Variants in RRN3 observed in about 807,000 individuals in gnomAD.
RRN3 encodes the protein RNA polymerase I-specific transcription initiation factor RRN3.
A neutral mutation model predicts 82.3 loss-of-function variants in RRN3; 38 were observed. That is an observed-to-expected ratio of 0.46 (90% CI 0.36 to 0.61). The LOEUF is 0.61. Ranked by LOEUF, RRN3 falls within the 20% of genes least tolerant of loss-of-function variation. The probability of loss-of-function intolerance (pLI) is 0.00; values close to 1 mark genes in which losing one functional copy is unlikely to be tolerated. For synonymous variants in RRN3, 284 were observed against 284.3 expected, an observed-to-expected ratio of 1.00 and a Z score of 0.01; for missense variants, 726 against 793.1, an observed-to-expected ratio of 0.92 and a Z score of 1.02.
rs145058148 is a variant in RRN3 at position 15,089,968 on chromosome 16, G to C, written c.252+1347C>G. Reference sequence around the variant, plus strand: ...TCACACTTGTAATCCCAGCACTTTGGGAGGCCAAGGCGGGCAGGTCACCTG... The same window carrying C: ...TCACACTTGTAATCCCAGCACTTTGCGAGGCCAAGGCGGGCAGGTCACCTG... On this transcript the variant is annotated intron_variant, in intron 3 of 17. Coordinates refer to ENST00000198767, the MANE Select transcript of RRN3 (RefSeq NM_018427.5). 8.7e-3 allele frequency among the ~76,000 whole-genome samples: 1,316 copies of C among 151,794 alleles called. 6 individuals are homozygous for C. Among genetic ancestry groups the C allele is most frequent in the Middle Eastern group, 0.037 (11 of 294 alleles).
At position 15,086,179 on chromosome 16, in the gene RRN3, G is replaced by C; in HGVS notation, c.422C>G (p.Thr141Ser). 1.2e-6 allele frequency: 2 copies of C among 1,601,854 alleles called. No homozygotes were observed. The highest frequency in any genetic ancestry group is 8.5e-7 in the Non-Finnish European group (1 of 1,172,118). The change falls in exon 5 of 18, where the codon ACT becomes AGT. Residue 141 changes from threonine (T) to serine (S), a missense_variant. Physicochemically the swap from Thr to Ser is moderately conservative, Grantham distance 58 (BLOSUM62 1). Transcript: ENST00000198767. ...AFLGNLVSAQ[T>S]VFLRPCLSMI... ...GCTGAGACACGGTCTGAGGAAAACA[G>C]TCTGTGCTGATACAAGATTACCAAG... is the stretch of plus-strand genomic sequence containing the variant.
chr16:15,091,455 T>A, intron 2 of RRN3, 84 bp from the exon 3 acceptor site: 6 of 852,570 alleles, frequency 7.0e-6, no homozygotes, highest in Non-Finnish European at 1.1e-5. Context: ...TACTTTAACA[T>A]CAGATGAAAT....
chr16:15,082,613 C>T (rs1220987615), intron 8 of RRN3, among the ~76,000 whole-genome samples: 2 of 151,714 alleles, frequency 1.3e-5, no homozygotes, highest in Non-Finnish European at 2.9e-5. Flanking sequence ...GCAGAGGCTG[C>T]AGCGAGCTGA....
chr16:15,076,980 C>CTCT (rs2045484735), intron 9 of RRN3, among the ~76,000 whole-genome samples: 2 of 143,916 alleles, frequency 1.4e-5, no homozygotes, highest in Non-Finnish European at 3.0e-5. Flanking sequence ...ACCCAAATCA[C>CTCT]TTTTTTTTTT....
At chr16:15,068,137 T>C (rs2045057886) in intron 15 of RRN3, 32 bp downstream of exon 15, 1 of 1,484,478 alleles carries the variant, frequency 6.7e-7, no homozygotes, top group African/African-American at 1.4e-5. Flanking sequence ...ATATTTTAAA[T>C]AACTCCCATC....
chr16:15,093,247 G>C (rs1422496731), intron 1 of RRN3, among the ~76,000 whole-genome samples: 2 of 152,124 alleles, frequency 1.3e-5, no homozygotes, highest in South Asian at 4.1e-4. Context: ...CAGATGATCC[G>C]CCCGCCTCGG....
intron 17 of RRN3, among the ~76,000 whole-genome samples, chr16:15,062,588 G>A (rs747654889): frequency 3.3e-5 from 5 of 152,204 alleles, no homozygotes; most frequent in Non-Finnish European, 7.3e-5. Flanking sequence ...TGCAACCTGC[G>A]TCTTCACCAC....
chr16:15,061,773 C>T lies in RRN3; in HGVS notation c.1927G>A (p.Val643Met), dbSNP rs145434552. 389 of 1,613,892 alleles carry T rather than the reference C, an allele frequency of 2.4e-4. 3 individuals carry two copies. In the East Asian group the frequency reaches 8.2e-3, roughly 34 times the overall value. The change falls in exon 18 of 18, where the codon GTG (valine) becomes ATG (methionine). Residue 643 changes from valine (V) to methionine (M), a missense_variant. By Grantham distance (21) the Val-to-Met change is conservative. Around this residue, in one of 4 missense-constraint regions of RRN3, gnomAD observed 166 missense variants for 154.8 expected, o/e 1.07. Transcript: ENST00000198767. ...SPSSSVGSPP[V>M]LYMQPSPL ...AGGGGACTGGGTTGCATGTACAACA[C>T]GGGTGGGGAGCCCACACTACTTGAA...
chr16:15,070,777 G>C (rs1425742978), intron 13 of RRN3, among the ~76,000 whole-genome samples: 2 of 151,660 alleles, frequency 1.3e-5, no homozygotes, highest in African/African-American at 4.9e-5. Flanking sequence ...TTTTTCTTCA[G>C]CTTTAACAGA....
chr16:15,065,999 G>T (rs1567188259), intron 15 of RRN3, among the ~76,000 whole-genome samples: 1 of 152,216 alleles, frequency 6.6e-6, no homozygotes, highest in Non-Finnish European at 1.5e-5. Context: ...TCCAGTAGTT[G>T]TCTCTAAATG....
Position 15,070,255 on chromosome 16 carries a change from C to T in RRN3, c.1260-1G>A. The T allele has an allele frequency of 6.2e-7, 1 of 1,611,406 alleles. No individual in the cohort carries two copies. Among genetic ancestry groups the T allele is most frequent in the Non-Finnish European group, 8.5e-7 (1 of 1,179,790 alleles). On this transcript the variant is annotated splice_acceptor_variant, in intron 13 of 17. Coordinates refer to ENST00000198767, the MANE Select transcript of RRN3 (RefSeq NM_018427.5). LOFTEE classifies it high-confidence loss of function. ...AAGATCTAGGCATGATTTTACAGTA[C>T]TAGAGAAAAGAAAAATTCAAGTCAA... is the stretch of plus-strand genomic sequence containing the variant.
Position 15,068,271 on chromosome 16 carries a change from T to C in RRN3, c.1451A>G (p.Gln484Arg), listed in dbSNP as rs2045063919. The stretch of plus-strand genomic sequence containing the variant: ...CTCAAAATTCAGACTCTGAAGATAC[T>C]GCAAACCTTTGGTTTAAAAAAAAAA... ...LLSGNLKEGL[Q>R]YLQSLNFERI... The change falls in exon 15 of 18, where the codon CAG (glutamine) becomes CGG (arginine). Residue 484 changes from glutamine (Q) to arginine (R), a missense_variant. Gln to Arg is a conservative substitution (Grantham distance 43, BLOSUM62 1). Around this residue, in one of 4 missense-constraint regions of RRN3, gnomAD observed 81 missense variants for 156.4 expected, o/e 0.52. Coordinates refer to ENST00000198767, the MANE Select transcript of RRN3 (RefSeq NM_018427.5). 2 of 1,566,354 alleles carry C rather than the reference T, an allele frequency of 1.3e-6. No individual in the cohort carries two copies. Among genetic ancestry groups the C allele is most frequent in the Non-Finnish European group, 1.7e-6 (2 of 1,161,634 alleles).
intron 10 of RRN3, among the ~76,000 whole-genome samples, chr16:15,075,179 G>A (rs1201486563): frequency 1.3e-5 from 2 of 151,504 alleles, no homozygotes; most frequent in African/African-American, 4.9e-5. Flanking sequence ...GAACTGGGAG[G>A]TGGAGGAGGC....
intron 16 of RRN3, 83 bp from the exon 17 acceptor site, chr16:15,063,366 C>G: frequency 9.8e-7 from 1 of 1,019,784 alleles, no homozygotes; most frequent in Admixed American, 1.7e-5. Context: ...CTCACAAGAT[C>G]TATTACCCAA....
In RRN3 at chr16:15,063,212, T is replaced by C. The variant is rs552825026; in HGVS notation, c.1778A>G (p.Lys593Arg). The C allele has an allele frequency of 9.3e-6, 15 of 1,611,192 alleles. No individual in the cohort carries two copies. The highest frequency in any genetic ancestry group is 1.3e-5 in the Non-Finnish European group (15 of 1,177,298). ...CAAACTGACCTTTTTCATGGGTTTC[T>C]TGAACTCCTGTAGCTCTTCAGCACT... ...DMSAEELQEF[K>R]KPMKKDIVED... is the part of the protein sequence containing the mutation. The change falls in exon 17 of 18, where the codon AAG (lysine) becomes AGG (arginine). Residue 593 changes from lysine (K) to arginine (R), a missense_variant. Physicochemically the swap from Lys to Arg is conservative, Grantham distance 26 (BLOSUM62 2). Around this residue, in one of 4 missense-constraint regions of RRN3, gnomAD observed 166 missense variants for 154.8 expected, o/e 1.07. Coordinates refer to ENST00000198767, the MANE Select transcript of RRN3 (RefSeq NM_018427.5).
intron 14 of RRN3, among the ~76,000 whole-genome samples, chr16:15,069,304 T>A (rs915426740): frequency 6.6e-6 from 1 of 152,102 alleles, no homozygotes; most frequent in Admixed American, 6.6e-5. Context: ...CCCCCGACGA[T>A]GAAGGATGAT....
chr16:15,061,708 T>A lies in RRN3; in HGVS notation c.*36A>T, dbSNP rs767221274. 6.3e-7 allele frequency: 1 copy of A among 1,588,068 alleles called. No homozygotes were observed. Among genetic ancestry groups the A allele is most frequent in the South Asian group, 1.1e-5 (1 of 89,812 alleles). On this transcript the variant is annotated 3_prime_UTR_variant, in exon 18 of 18. Coordinates refer to ENST00000198767, the MANE Select transcript of RRN3 (RefSeq NM_018427.5). ...TGAGGGCATGACAAGTGATGGGGAA[T>A]CCCAAATGTCACATCTCAGTCACAA...
Position 15,060,144 on chromosome 16 carries a change from C to A in RRN3, c.*1600G>T. The A allele has an allele frequency of 2.5e-6, 1 of 407,692 alleles. No individual in the cohort carries two copies. The highest frequency in any genetic ancestry group is 4.8e-6 in the Non-Finnish European group (1 of 206,352). The allele number at this position is 407,692 out of a possible 1,614,324, so 25.3% of individuals were successfully genotyped here. On this transcript the variant is annotated 3_prime_UTR_variant, in exon 18 of 18. Transcript: ENST00000198767. ...ACAAACTCCTTTGAAATTAAACAGA[C>A]TTATATGTAAATGTCTTTCTACATT...
At position 15,068,031 on chromosome 16, in the gene RRN3, G is replaced by A; in HGVS notation, c.1553+138C>T. 5.5e-6 allele frequency: 4 copies of A among 725,474 alleles called. No homozygotes were observed. In the East Asian group the frequency reaches 1.1e-4, roughly 20 times the overall value. 44.9% of individuals were successfully genotyped at this position (725,474 alleles called of 1,614,324 possible). On this transcript the variant is annotated intron_variant, in intron 15 of 17. Coordinates refer to ENST00000198767, the MANE Select transcript of RRN3 (RefSeq NM_018427.5). ...CCACCTCAGCCTCCCAAAATGTTGAGATTACAGGTGTCAGCCACCACGCCT... is the reference window on the plus strand; with the variant it reads ...CCACCTCAGCCTCCCAAAATGTTGAAATTACAGGTGTCAGCCACCACGCCT...
Sources: allele counts gnomAD v4.1 joint callset (sites outside exome capture counted in the v4.1 genomes callset), GRCh38; gene constraint gnomAD v4.1.1; regional missense constraint gnomAD v4.1.1; transcripts MANE v1.5; gene names NCBI Gene and HGNC (gene_info 2026-07-23, HGNC 2026-07-21).